The following RBFOX1 variants were observed in gnomAD, a reference collection of about 807,000 sequenced individuals.
The protein encoded by RBFOX1 is RNA binding protein fox-1 homolog 1.
In RBFOX1, 8 loss-of-function variants were observed where a neutral mutation model predicts 57.7. The ratio of observed to expected loss-of-function variants is 0.14; its 90% CI spans 0.08 to 0.25. RBFOX1 has a LOEUF of 0.25. RBFOX1 is among the 10% of genes least tolerant of loss of function. The pLI is 1.00. For synonymous variants in RBFOX1, 326 were observed against 222.4 expected (o/e 1.47, Z -4.15); for missense variants, 611 against 548.5 (o/e 1.11, Z -1.14).
Position 5,947,231 on chromosome 16 carries a change from C to T in RBFOX1, c.351+79896C>T, listed in dbSNP as rs929697013. 2.6e-5 allele frequency among the ~76,000 whole-genome samples: 4 copies of T among 152,030 alleles called. No homozygotes were observed. Among genetic ancestry groups the T allele is most frequent in the African/African-American group, 4.8e-5 (2 of 41,386 alleles). ...ACTCTGTCTCTAAAACAAAACAAAC[C>T]AGAAGAAAGGCTACTAAGGCTGGAG... On this transcript the variant is annotated intron_variant, in intron 4 of 19. Transcript: ENST00000641259. This position sits in a 1 kb window ranked among gnomAD's most constrained non-coding sequence, Gnocchi z 7.2.
intron 1 of RBFOX1, among the ~76,000 whole-genome samples, chr16:5,396,104 GC>G (rs1465288666): frequency 7.2e-5 from 11 of 152,148 alleles, no homozygotes; most frequent in African/African-American, 2.4e-4. Context: ...GTTGTTTTAA[GC>G]CCCCAGGGTT....
chr16:7,084,347 GA>G (rs923843681), intron 4 of RBFOX1, among the ~76,000 whole-genome samples: 6 of 151,782 alleles, frequency 4.0e-5, no homozygotes, highest in Non-Finnish European at 7.4e-5. Flanking sequence ...AGGGAAGAAA[GA>G]AAAAAATGTG....
At chr16:6,433,905 T>C (rs140600965) in intron 2 of RBFOX1, among the ~76,000 whole-genome samples, 253 of 150,592 alleles carry the variant, frequency 1.7e-3, no homozygotes, top group Middle Eastern at 6.9e-3. Context: ...TGGAATATAG[T>C]GGCACCATCT....
chr16:7,620,164 C>G (rs144787896), intron 10 of RBFOX1, among the ~76,000 whole-genome samples: 2 of 152,180 alleles, frequency 1.3e-5, no homozygotes, highest in South Asian at 4.1e-4. Flanking sequence ...TTTAGATACC[C>G]AATAATAATT....
intron 3 of RBFOX1, among the ~76,000 whole-genome samples, chr16:7,025,135 G>A (rs1597334605): frequency 6.6e-6 from 1 of 152,182 alleles, no homozygotes; most frequent in Non-Finnish European, 1.5e-5. Flanking sequence ...CCACTCCATA[G>A]ACAGAACAGC....
intron 4 of RBFOX1, among the ~76,000 whole-genome samples, chr16:5,966,853 G>T (rs1177624477): frequency 1.3e-5 from 2 of 152,070 alleles, no homozygotes; most frequent in African/African-American, 4.8e-5. Context: ...TCATGGAAGT[G>T]CAATTCATGC....
At chr16:6,196,660 T>C (rs577679478) in intron 1 of RBFOX1, among the ~76,000 whole-genome samples, 1 of 152,314 alleles carries the variant, frequency 6.6e-6, no homozygotes, top group South Asian at 2.1e-4. Context: ...ATTTTCATTT[T>C]TTTCCTGATG....
At chr16:6,089,308 G>C (rs374762106) in intron 1 of RBFOX1, among the ~76,000 whole-genome samples, 2 of 152,152 alleles carry the variant, frequency 1.3e-5, no homozygotes, top group South Asian at 4.2e-4. Context: ...AATGAGACTT[G>C]GATAGATGAA....
At chr16:5,292,241 G>A (rs796087709) in intron 1 of RBFOX1, among the ~76,000 whole-genome samples, 1 of 142,154 alleles carries the variant, frequency 7.0e-6, no homozygotes, top group Non-Finnish European at 1.6e-5. Context: ...GCTGCAGGAG[G>A]TTGACTCCCA....
chr16:5,660,748 C>T (rs765561902), intron 3 of RBFOX1, among the ~76,000 whole-genome samples: 10 of 151,988 alleles, frequency 6.6e-5, no homozygotes, highest in Non-Finnish European at 1.3e-4. Context: ...CCATGAATGA[C>T]GCTTTAAGAT....
intron 3 of RBFOX1, among the ~76,000 whole-genome samples, chr16:7,018,960 A>T (rs2094062083): frequency 6.6e-6 from 1 of 152,006 alleles, no homozygotes; most frequent in Non-Finnish European, 1.5e-5. Context: ...CTCTACAAAA[A>T]AATTAAAAAG....
intron 1 of RBFOX1, among the ~76,000 whole-genome samples, chr16:5,439,704 C>T (rs906542457): frequency 5.9e-5 from 9 of 152,112 alleles, no homozygotes; most frequent in Non-Finnish European, 1.3e-4. Flanking sequence ...CTTGACCTCC[C>T]AAAGTGCTGG....
At chr16:7,090,378 G>A (rs12934136) in intron 4 of RBFOX1, among the ~76,000 whole-genome samples, 1 of 152,024 alleles carries the variant, frequency 6.6e-6, no homozygotes, top group African/African-American at 2.4e-5. Context: ...GGGAGGTGTG[G>A]GGTAGATGGT....
intron 3 of RBFOX1, among the ~76,000 whole-genome samples, chr16:5,679,303 G>A (rs888531673): frequency 2.0e-5 from 3 of 151,546 alleles, no homozygotes; most frequent in Non-Finnish European, 2.9e-5. Context: ...TGTTACATCC[G>A]AAGTTGTATG....
intron 3 of RBFOX1, among the ~76,000 whole-genome samples, chr16:6,872,650 G>C (rs1462338255): frequency 6.6e-6 from 1 of 152,206 alleles, no homozygotes; most frequent in Admixed American, 6.5e-5. Flanking sequence ...AACGGTTAAA[G>C]TAGAATGATT....
At chr16:7,494,188 A>G (rs186743076) in intron 4 of RBFOX1, among the ~76,000 whole-genome samples, 361 of 152,248 alleles carry the variant, frequency 2.4e-3, no homozygotes, top group Non-Finnish European at 4.2e-3. Flanking sequence ...ATGTTTGTCA[A>G]TTGCAATTCT....
chr16:7,044,826 G>C (rs1358894167), intron 3 of RBFOX1, among the ~76,000 whole-genome samples: 16 of 152,256 alleles, frequency 1.1e-4, no homozygotes, highest in Non-Finnish European at 2.1e-4. Context: ...ACAGACTGTA[G>C]GGAGTTACAG....
intron 3 of RBFOX1, among the ~76,000 whole-genome samples, chr16:6,737,824 T>C (rs530562637): frequency 1.3e-5 from 2 of 152,304 alleles, no homozygotes; most frequent in East Asian, 1.9e-4. Context: ...AGTTAACTCC[T>C]TTTATTTGGG....
At chr16:6,756,719 C>T (rs28893859) in intron 3 of RBFOX1, among the ~76,000 whole-genome samples, 1 of 151,958 alleles carries the variant, frequency 6.6e-6, no homozygotes, top group African/African-American at 2.4e-5. Context: ...CGCCTGTAAT[C>T]CCAACACTTT....
Sources: allele counts gnomAD v4.1 joint callset (sites outside exome capture counted in the v4.1 genomes callset), GRCh38; gene constraint gnomAD v4.1.1; non-coding constraint Gnocchi (gnomAD v3.1); transcripts MANE v1.5; gene names NCBI Gene and HGNC (gene_info 2026-07-23, HGNC 2026-07-21).